The following SNX16 variants were observed in gnomAD, a reference collection of about 807,000 sequenced individuals.
SNX16 encodes sorting nexin 16, also known as sorting nexin-16.
A neutral mutation model predicts 36.7 loss-of-function variants in SNX16; 35 were observed. The observed-to-expected ratio is 0.95, with a 90% CI of 0.73 to 1.27. The LOEUF is 1.27. Ranked by LOEUF, SNX16 falls within the 50% of genes most tolerant of loss-of-function variation. SNX16 has a pLI of 0.00. For missense variants in SNX16, 367 were observed against 393.6 expected, an observed-to-expected ratio of 0.93 and a Z score of 0.57; for synonymous variants, 134 against 132.0, an observed-to-expected ratio of 1.02 and a Z score of -0.10.
Position 81,801,500 on chromosome 8 carries a change from GTCT to G in SNX16, c.1029_1031del (p.Glu343del). ...GGAGGGAACTGCTTGTGATACATTA[GTCT>G]TCTTCAGCATCATATGCCACTTCTG... On this transcript the variant is annotated inframe_deletion, in exon 8 of 8. Coordinates refer to ENST00000345957, the MANE Select transcript of SNX16 (RefSeq NM_152836.3). 4 of 1,574,536 alleles carry G rather than the reference GTCT, an allele frequency of 2.5e-6. No homozygotes were observed. The highest frequency in any genetic ancestry group is 3.5e-6 in the Non-Finnish European group (4 of 1,158,752).
At chr8:81,810,518 A>G (rs1343936288) in intron 5 of SNX16, among the ~76,000 whole-genome samples, 2 of 152,190 alleles carry the variant, frequency 1.3e-5, no homozygotes, top group Admixed American at 6.5e-5. Context: ...GAGAGGAGCA[A>G]ACACAGAATT....
chr8:81,840,053 T>C lies in SNX16; in HGVS notation c.-67A>G. The C allele has an allele frequency of 6.7e-7, 1 of 1,486,044 alleles. No homozygotes were observed. Among genetic ancestry groups the C allele is most frequent in the Non-Finnish European group, 9.0e-7 (1 of 1,115,990 alleles). The allele number at this position is 1,486,044 out of a possible 1,614,324, so 92.1% of individuals were successfully genotyped here. A position where few individuals can be genotyped will look rare whatever the true frequency, so the allele number is the denominator to read the frequency against. The stretch of plus-strand genomic sequence containing the variant: ...CACTTAGAGAACAACTAATATGCAA[T>C]CCATTATTTTCTTCTTAGGAATTCA... On this transcript the variant is annotated 5_prime_UTR_variant, in exon 2 of 8. Coordinates refer to ENST00000345957, the MANE Select transcript of SNX16 (RefSeq NM_152836.3).
In SNX16 at chr8:81,809,053, T is replaced by C. The variant is rs570268986; in HGVS notation, c.682-5825A>G. The stretch of plus-strand genomic sequence containing the variant: ...GTAATAGTCTGATTGTGATACTGAA[T>C]AAATGTCTTTTTTTTAATGTGCTGT... On this transcript the variant is annotated intron_variant, in intron 5 of 7. Transcript: ENST00000345957. Among the ~76,000 whole-genome samples the C allele has an allele frequency of 3.3e-5, 5 of 152,128 alleles. No homozygotes were observed. The South Asian group carries it at 1.0e-3, about 32-fold the overall frequency.
chr8:81,835,279 C>A (rs1377375552), intron 2 of SNX16, among the ~76,000 whole-genome samples: 1 of 152,206 alleles, frequency 6.6e-6, no homozygotes, highest in African/African-American at 2.4e-5. Flanking sequence ...TCCACAAAAC[C>A]ACGTTTTCCT....
In SNX16 at chr8:81,803,243, CA is replaced by C; in HGVS notation, c.682-16del. 11 of 1,586,454 alleles carry C rather than the reference CA, an allele frequency of 6.9e-6. No homozygotes were observed. Among genetic ancestry groups the C allele is most frequent in the Non-Finnish European group, 9.4e-6 (11 of 1,170,966 alleles). On this transcript the variant is annotated splice_polypyrimidine_tract_variant and intron_variant, in intron 5 of 7. Transcript: ENST00000345957. ...TCACAGAATGCCTTAAAAAAAACAACAAACAAAACTAAACACATGCAGAAAA... is the reference window on the plus strand; with the variant it reads ...TCACAGAATGCCTTAAAAAAAACAACAACAAAACTAAACACATGCAGAAAA...
At chr8:81,823,682 C>T (rs1223614246) in intron 4 of SNX16, 110 bp downstream of exon 4, 9 of 948,540 alleles carry the variant, frequency 9.5e-6, no homozygotes, top group Non-Finnish European at 1.4e-5. Context: ...AGTAATTATA[C>T]TCCAACCCTG....
At chr8:81,841,534 C>T (rs997115037) in intron 1 of SNX16, among the ~76,000 whole-genome samples, 75 of 151,950 alleles carry the variant, frequency 4.9e-4, no homozygotes, top group African/African-American at 1.7e-3. Context: ...TGCCACTCTA[C>T]TACCTGAGGC....
At chr8:81,820,545 G>A (rs1243915259) in intron 4 of SNX16, among the ~76,000 whole-genome samples, 1 of 148,156 alleles carries the variant, frequency 6.7e-6, no homozygotes, top group Non-Finnish European at 1.5e-5. Flanking sequence ...TTTTTTAATG[G>A]ATCAACCATC....
In SNX16 at chr8:81,803,100, G is replaced by T; in HGVS notation, c.810C>A (p.Asn270Lys). Residue 270 changes from asparagine to lysine, a missense_variant, in exon 6 of 8, where the codon AAC (asparagine) becomes AAA (lysine). Asn to Lys is a moderately conservative substitution (Grantham distance 94). Transcript: ENST00000345957. ...EKQLHIDTLE[N>K]RIRTLSLEPE... ...CAAGTATCACAACACACCTGATTCT[G>T]TTCTCTAAAGTGTCTATATGAAGTT... 1 of 1,606,156 alleles carries T rather than the reference G, an allele frequency of 6.2e-7. No homozygotes were observed. The highest frequency in any genetic ancestry group is 8.5e-7 in the Non-Finnish European group (1 of 1,177,014).
chr8:81,803,351 G>C, intron 5 of SNX16, 123 bp from the exon 6 acceptor site: 1 of 975,100 alleles, frequency 1.0e-6, no homozygotes. Context: ...CAAAATAATA[G>C]TATGAAACTC....
intron 4 of SNX16, among the ~76,000 whole-genome samples, chr8:81,821,456 G>A (rs1346934369): frequency 6.6e-6 from 1 of 151,842 alleles, no homozygotes; most frequent in East Asian, 1.9e-4. Flanking sequence ...AAGGGGAGAG[G>A]ATATGTCGAC....
intron 5 of SNX16, chr8:81,808,787 A>C: frequency 1.2e-6 from 1 of 836,294 alleles, no homozygotes; most frequent in Non-Finnish European, 2.0e-6. Flanking sequence ...CAGGGAAGCT[A>C]CAGGTAACAA....
chr8:81,812,190 T>A (rs141999678), intron 5 of SNX16, among the ~76,000 whole-genome samples: 3 of 152,046 alleles, frequency 2.0e-5, no homozygotes, highest in South Asian at 4.1e-4. Flanking sequence ...ACACAGGGTA[T>A]ACAAATATAC....
chr8:81,829,756 A>T (rs1477488239), intron 2 of SNX16, among the ~76,000 whole-genome samples: 1 of 152,146 alleles, frequency 6.6e-6, no homozygotes, highest in Non-Finnish European at 1.5e-5. Flanking sequence ...TTCTGTGCAC[A>T]CTAACAATAA....
intron 5 of SNX16, among the ~76,000 whole-genome samples, chr8:81,804,388 G>T (rs917353057): frequency 1.3e-5 from 2 of 151,998 alleles, no homozygotes; most frequent in Non-Finnish European, 2.9e-5. Context: ...TTGACTGTGT[G>T]AAATAATAAT....
chr8:81,840,254 C>A, intron 1 of SNX16, 172 bp from the exon 2 acceptor site: 1 of 307,440 alleles, frequency 3.3e-6, no homozygotes, highest in Non-Finnish European at 6.0e-6. Flanking sequence ...ATAGAGAGAG[C>A]AAAACTACTT....
At chr8:81,809,284 G>A (rs1486705871) in intron 5 of SNX16, among the ~76,000 whole-genome samples, 1 of 152,060 alleles carries the variant, frequency 6.6e-6, no homozygotes, top group East Asian at 1.9e-4. Flanking sequence ...GATTACCCAA[G>A]CAAAATCATG....
chr8:81,821,336 A>G (rs1810731938), intron 4 of SNX16, among the ~76,000 whole-genome samples: 1 of 151,966 alleles, frequency 6.6e-6, no homozygotes, highest in Non-Finnish European at 1.5e-5. Flanking sequence ...AAGATCTATT[A>G]TCAGTATTTT....
intron 4 of SNX16, among the ~76,000 whole-genome samples, chr8:81,816,365 T>C (rs1810492535): frequency 6.6e-6 from 1 of 151,882 alleles, no homozygotes; most frequent in South Asian, 2.1e-4. Context: ...AATTTTTGTA[T>C]TTTTAGTAGA....
Sources: gnomAD v4.1 joint callset for allele counts (sites outside exome capture counted in the v4.1 genomes callset) on GRCh38, gnomAD v4.1.1 for gene constraint, MANE v1.5 for transcripts, NCBI Gene and HGNC (gene_info 2026-07-23, HGNC 2026-07-21) for gene names.